The following LGR5 variants were observed in gnomAD, a reference collection of about 807,000 sequenced individuals.
The protein encoded by LGR5 is leucine-rich repeat-containing G protein-coupled receptor 5.
Under a neutral mutation model 76.7 loss-of-function variants are expected in LGR5, and 54 were observed. That is an observed-to-expected ratio of 0.70 (90% CI 0.57 to 0.88). The LOEUF (loss-of-function observed/expected upper bound fraction) is 0.88, where lower values mean the gene tolerates loss of function less well. LGR5 is among the 40% of genes least tolerant of loss of function. The probability of loss-of-function intolerance (pLI) is 0.00; values close to 1 mark genes in which losing one functional copy is unlikely to be tolerated. For synonymous variants in LGR5, 406 were observed against 421.9 expected (o/e 0.96, Z 0.46); for missense variants, 1,078 against 1,073.3 (o/e 1.00, Z -0.06).
intron 15 of LGR5, among the ~76,000 whole-genome samples, chr12:71,579,842 C>G (rs1455003484): frequency 2.0e-5 from 3 of 152,210 alleles, no homozygotes; most frequent in African/African-American, 7.2e-5. Context: ...AAATGCCACT[C>G]TAAACAACAT....
chr12:71,507,684 T>C (rs1019147759), intron 2 of LGR5, among the ~76,000 whole-genome samples: 1 of 152,198 alleles, frequency 6.6e-6, no homozygotes, highest in Non-Finnish European at 1.5e-5. Flanking sequence ...TATATTTTAC[T>C]TGAACTAATA....
At chr12:71,521,493 T>G (rs780690625) in intron 2 of LGR5, among the ~76,000 whole-genome samples, 33 of 152,232 alleles carry the variant, frequency 2.2e-4, no homozygotes, top group Non-Finnish European at 4.1e-4. Context: ...GTACCACTTC[T>G]GCAGGAAGGG....
intron 3 of LGR5, among the ~76,000 whole-genome samples, chr12:71,533,437 T>G (rs1876430196): frequency 6.6e-6 from 1 of 152,236 alleles, no homozygotes; most frequent in Non-Finnish European, 1.5e-5. Context: ...CTCAGCAGTA[T>G]TGGCGTCACC....
intron 1 of LGR5, among the ~76,000 whole-genome samples, chr12:71,463,145 T>G (rs1872740761): frequency 6.6e-6 from 1 of 152,210 alleles, no homozygotes; most frequent in Non-Finnish European, 1.5e-5. Flanking sequence ...CCCAGTAGTT[T>G]ATAACTGGGG....
chr12:71,472,127 C>A (rs1016796977), intron 1 of LGR5, among the ~76,000 whole-genome samples: 2 of 152,140 alleles, frequency 1.3e-5, no homozygotes, highest in African/African-American at 2.4e-5. Context: ...CCACACACCA[C>A]CTGTTCCTCA....
intron 1 of LGR5, among the ~76,000 whole-genome samples, chr12:71,471,640 TG>T (rs1264914862): frequency 4.0e-5 from 6 of 148,692 alleles, no homozygotes; most frequent in African/African-American, 1.0e-4. Flanking sequence ...AAAGCTGTTT[TG>T]TTTTTTTTTT....
At chr12:71,479,915 G>A (rs1004812856) in intron 1 of LGR5, among the ~76,000 whole-genome samples, 3 of 152,156 alleles carry the variant, frequency 2.0e-5, no homozygotes, top group Non-Finnish European at 4.4e-5. Context: ...TTAGGCATTT[G>A]CATTACATTT....
At chr12:71,568,331 G>A (rs911792435) in intron 11 of LGR5, among the ~76,000 whole-genome samples, 1 of 152,132 alleles carries the variant, frequency 6.6e-6, no homozygotes, top group Non-Finnish European at 1.5e-5. Context: ...TATTCCTCCT[G>A]GAGCTCAGTT....
intron 2 of LGR5, among the ~76,000 whole-genome samples, chr12:71,505,231 T>G (rs1204118729): frequency 1.3e-5 from 2 of 152,152 alleles, no homozygotes; most frequent in African/African-American, 4.8e-5. Flanking sequence ...GATTTAAAAC[T>G]GGGCTCTTCC....
chr12:71,480,097 CT>C (rs1430869522), intron 1 of LGR5, among the ~76,000 whole-genome samples: 2 of 152,112 alleles, frequency 1.3e-5, no homozygotes, highest in African/African-American at 4.8e-5. Flanking sequence ...GGTGCCGTAG[CT>C]AATGCCTGTA....
chr12:71,445,964 T>C lies in LGR5; in HGVS notation c.212+5672T>C, dbSNP rs1418672655. On this transcript the variant is annotated intron_variant, in intron 1 of 17. Coordinates refer to ENST00000266674, the MANE Select transcript of LGR5 (RefSeq NM_003667.4). Reference sequence around the variant, plus strand: ...TGTAAACAACTTCCTGAAAGTCAGATGGAATAACACCCTAGGGTTTCATGG... The same window carrying C: ...TGTAAACAACTTCCTGAAAGTCAGACGGAATAACACCCTAGGGTTTCATGG... Among the ~76,000 whole-genome samples, 5 of 152,208 alleles carry C rather than the reference T, an allele frequency of 3.3e-5. No homozygotes were observed. In the East Asian group the frequency reaches 9.6e-4, roughly 29 times the overall value.
intron 5 of LGR5, among the ~76,000 whole-genome samples, chr12:71,554,974 C>G (rs74101873): frequency 0.019 from 2,879 of 152,150 alleles, 97 homozygotes; most frequent in African/African-American, 0.065. Flanking sequence ...ACCCACTGGC[C>G]CACCGCTCTC....
In LGR5 at chr12:71,584,604, C is replaced by T; in HGVS notation, c.2594C>T (p.Thr865Ile). The change falls in exon 18 of 18, where the codon ACT (threonine) becomes ATT (isoleucine). Residue 865 changes from threonine (T) to isoleucine (I), a missense_variant. Physicochemically the swap from Thr to Ile is moderately conservative, Grantham distance 89. Transcript: ENST00000266674. ...DDVEKQSCDS[T>I]QALVTFTSSS... ...GTCGAAAAACAGTCCTGTGACTCAA[C>T]TCAAGCCTTGGTAACCTTTACCAGC... 2 of 1,614,168 alleles carry T rather than the reference C, an allele frequency of 1.2e-6. No homozygotes were observed. Among genetic ancestry groups the T allele is most frequent in the South Asian group, 1.1e-5 (1 of 91,080 alleles).
chr12:71,514,087 A>AAACAAC (rs758113761), intron 2 of LGR5, among the ~76,000 whole-genome samples: 1 of 152,028 alleles, frequency 6.6e-6, no homozygotes, highest in Non-Finnish European at 1.5e-5. Context: ...GGATCTTAAA[A>AAACAAC]AACAACAACA....
At chr12:71,524,015 T>TATTAGAATCTAATCTAATTATTA (rs1875854454) in intron 2 of LGR5, among the ~76,000 whole-genome samples, 1 of 152,356 alleles carries the variant, frequency 6.6e-6, no homozygotes, top group East Asian at 1.9e-4. Flanking sequence ...TTCTAATGTT[T>TATTAGAATCTAATCTAATTATTA]ATCTAATCTA....
chr12:71,479,426 TCAA>T (rs1418279489), intron 1 of LGR5, among the ~76,000 whole-genome samples: 1 of 152,202 alleles, frequency 6.6e-6, no homozygotes, highest in East Asian at 1.9e-4. Context: ...TTACTGTGTT[TCAA>T]CAACGTGCCA....
intron 2 of LGR5, among the ~76,000 whole-genome samples, chr12:71,511,683 A>C (rs1019820203): frequency 3.3e-5 from 5 of 151,974 alleles, no homozygotes; most frequent in Non-Finnish European, 7.4e-5. Flanking sequence ...CTTAAGTGAC[A>C]CCTCCACCAA....
intron 4 of LGR5, among the ~76,000 whole-genome samples, chr12:71,536,400 A>C (rs1876587064): frequency 6.6e-6 from 1 of 152,242 alleles, no homozygotes; most frequent in Admixed American, 6.5e-5. Flanking sequence ...CCAGTCAAAC[A>C]AAGTGACTTC....
At chr12:71,563,650 C>T (rs948520945) in intron 8 of LGR5, among the ~76,000 whole-genome samples, 1 of 152,188 alleles carries the variant, frequency 6.6e-6, no homozygotes, top group Non-Finnish European at 1.5e-5. Flanking sequence ...TTTCTTACTT[C>T]CTTTGCTCCT....
Sources: gnomAD v4.1 joint callset for allele counts (sites outside exome capture counted in the v4.1 genomes callset) on GRCh38, gnomAD v4.1.1 for gene constraint, MANE v1.5 for transcripts, NCBI Gene and HGNC (gene_info 2026-07-23, HGNC 2026-07-21) for gene names.